Variants in SLC36A4 observed in about 807,000 individuals in gnomAD.
SLC36A4 encodes neutral amino acid uniporter 4.
SLC36A4 carries 49 observed loss-of-function variants against 50.5 expected under a neutral mutation model. The observed-to-expected ratio is 0.97, with a 90% confidence interval of 0.77 to 1.23. The LOEUF (loss-of-function observed/expected upper bound fraction) is 1.23. Among genes scored for constraint, SLC36A4 ranks in the 50% most tolerant of loss-of-function variants. The pLI, the probability that SLC36A4 is intolerant of heterozygous loss-of-function variation, is 0.00. For missense variants in SLC36A4, 611 were observed against 608.4 expected, an observed-to-expected ratio of 1.00 and a Z score of -0.05; for synonymous variants, 207 against 206.5, an observed-to-expected ratio of 1.00 and a Z score of -0.02.
chr11:93,194,513 C>A (rs1228960685), intron 1 of SLC36A4, among the ~76,000 whole-genome samples: 1 of 152,120 alleles, frequency 6.6e-6, no homozygotes. Flanking sequence ...TATTTACATA[C>A]CTTACGAGAA....
intron 3 of SLC36A4, among the ~76,000 whole-genome samples, chr11:93,183,499 A>C: frequency 6.6e-6 from 1 of 152,126 alleles, no homozygotes; most frequent in East Asian, 1.9e-4. Flanking sequence ...GGGGAACAAA[A>C]CAGTCAAATG....
At chr11:93,172,896 C>T (rs1397537644) in intron 6 of SLC36A4, among the ~76,000 whole-genome samples, 1 of 150,462 alleles carries the variant, frequency 6.6e-6, no homozygotes, top group East Asian at 1.9e-4. Flanking sequence ...AATAATGCTG[C>T]AATAAACATA....
At chr11:93,165,356 C>T (rs1188319062) in intron 8 of SLC36A4, among the ~76,000 whole-genome samples, 2 of 152,098 alleles carry the variant, frequency 1.3e-5, no homozygotes, top group Non-Finnish European at 2.9e-5. Flanking sequence ...TCCTCAGAAT[C>T]TTTGGAGTCT....
chr11:93,151,705 TA>T (rs1184900221), intron 10 of SLC36A4, among the ~76,000 whole-genome samples: 2 of 152,054 alleles, frequency 1.3e-5, no homozygotes, highest in African/African-American at 4.8e-5. Context: ...CTATAGATTA[TA>T]AAAACAAGGA....
At chr11:93,180,612 GA>G (rs1861692528) in intron 6 of SLC36A4, among the ~76,000 whole-genome samples, 184 bp downstream of exon 6, 1 of 151,922 alleles carries the variant, frequency 6.6e-6, no homozygotes, top group Non-Finnish European at 1.5e-5. Flanking sequence ...GCAAAACAGT[GA>G]AATCAACAAT....
At chr11:93,184,951 C>G (rs1448435716) in intron 2 of SLC36A4, among the ~76,000 whole-genome samples, 1 of 151,972 alleles carries the variant, frequency 6.6e-6, no homozygotes. Context: ...ACCTATGTAA[C>G]CATGATACTA....
intron 6 of SLC36A4, chr11:93,180,034 T>C: frequency 1.1e-6 from 1 of 914,088 alleles, no homozygotes. Flanking sequence ...CACTCCATCA[T>C]TTTGCATAAA....
chr11:93,172,500 C>G (rs534950122), intron 6 of SLC36A4, among the ~76,000 whole-genome samples: 17 of 150,510 alleles, frequency 1.1e-4, no homozygotes, highest in Admixed American at 7.3e-4. Flanking sequence ...CATTGTGCAG[C>G]TTAGTTACAT....
chr11:93,178,034 C>T (rs1861567675), intron 6 of SLC36A4, among the ~76,000 whole-genome samples: 1 of 152,176 alleles, frequency 6.6e-6, no homozygotes, highest in Non-Finnish European at 1.5e-5. Flanking sequence ...GTTCGAGCTT[C>T]CCGGCCACTT....
chr11:93,159,027 G>A (rs1860498013), intron 9 of SLC36A4, among the ~76,000 whole-genome samples: 1 of 152,008 alleles, frequency 6.6e-6, no homozygotes, highest in African/African-American at 2.4e-5. Flanking sequence ...AGTATTAATA[G>A]GTGATTGATA....
rs774025580 is a variant in SLC36A4 at position 93,148,510 on chromosome 11, A to G, written c.*27T>C. 2.5e-6 allele frequency: 4 copies of G among 1,577,274 alleles called. No homozygotes were observed. The East Asian group carries it at 6.7e-5, about 26-fold the overall frequency. On this transcript the variant is annotated 3_prime_UTR_variant, in exon 11 of 11. Transcript: ENST00000326402. The stretch of plus-strand genomic sequence containing the variant: ...TGATAATTTTCAGAAATGGGACAAA[A>G]ATAGAAGACTCATGATTCTGCTTTT...
At chr11:93,187,761 T>C (rs1423000190) in intron 1 of SLC36A4, among the ~76,000 whole-genome samples, 2 of 152,162 alleles carry the variant, frequency 1.3e-5, no homozygotes, top group Admixed American at 6.5e-5. Context: ...GCATGTCTTC[T>C]AGTTCTCTTT....
chr11:93,192,968 CATAG>C (rs1245179423), intron 1 of SLC36A4: 1 of 161,960 alleles, frequency 6.2e-6, no homozygotes, highest in East Asian at 1.9e-4. Flanking sequence ...ATATATGTTA[CATAG>C]ATAGAATATG....
intron 8 of SLC36A4, 141 bp downstream of exon 8, chr11:93,165,777 A>G (rs1477246784): frequency 1.9e-6 from 1 of 516,852 alleles, no homozygotes; most frequent in Non-Finnish European, 3.3e-6. Flanking sequence ...TATAATTCTA[A>G]TCTATCACAC....
At chr11:93,155,462 A>G (rs749950237) in intron 9 of SLC36A4, 8 of 152,180 alleles carry the variant, frequency 5.3e-5, no homozygotes, top group Non-Finnish European at 1.0e-4. Flanking sequence ...ATGTCAAGGT[A>G]TATAAACCTT....
chr11:93,181,577 A>G (rs993790589), intron 5 of SLC36A4, 114 bp downstream of exon 5: 5 of 765,860 alleles, frequency 6.5e-6, no homozygotes, highest in Admixed American at 8.1e-5. Context: ...TAAGGGTTAC[A>G]TATGTTTATT....
chr11:93,163,527 G>C (rs985479826), intron 8 of SLC36A4, among the ~76,000 whole-genome samples: 1 of 152,142 alleles, frequency 6.6e-6, no homozygotes, highest in Non-Finnish European at 1.5e-5. Context: ...AGGTTTTAGA[G>C]AAGGATAACC....
chr11:93,177,896 A>C (rs538327566), intron 6 of SLC36A4, among the ~76,000 whole-genome samples: 2 of 152,244 alleles, frequency 1.3e-5, no homozygotes, highest in East Asian at 1.9e-4. Context: ...ATTCTATTCA[A>C]AGCTGTCAGA....
intron 10 of SLC36A4, among the ~76,000 whole-genome samples, chr11:93,149,813 A>G (rs1013608779): frequency 1.3e-5 from 2 of 152,026 alleles, no homozygotes; most frequent in Non-Finnish European, 2.9e-5. Flanking sequence ...TAAGGTCTAT[A>G]AAGTAGTTAA....
Sources: gnomAD v4.1 joint callset for allele counts (sites outside exome capture counted in the v4.1 genomes callset) on GRCh38, gnomAD v4.1.1 for gene constraint, MANE v1.5 for transcripts, NCBI Gene and HGNC (gene_info 2026-07-23, HGNC 2026-07-21) for gene names.